The following NUTM2G variants were observed in gnomAD, a reference collection of about 807,000 sequenced individuals.
The protein encoded by NUTM2G is NUT family member 2G, also known as family with sequence similarity 22, member G.
In NUTM2G, 29 loss-of-function variants were observed where a neutral mutation model predicts 44.3. That is an observed-to-expected ratio of 0.66 (90% CI 0.49 to 0.89). NUTM2G has a LOEUF of 0.89. Among genes scored for constraint, NUTM2G ranks in the 40% least tolerant of loss-of-function variants. The pLI is 0.00. For missense variants in NUTM2G, 502 were observed against 946.5 expected (o/e 0.53, Z 6.16); for synonymous variants, 205 against 395.9 (o/e 0.52, Z 5.72).
chr9:96,940,163 T>C (rs1202495550), downstream of NUTM2G: 1 of 142,442 alleles, frequency 7.0e-6, no homozygotes, highest in Non-Finnish European at 1.5e-5. Context: ...GGTGGGTGTG[T>C]CTGCTGGTCC....
At chr9:96,933,642 G>A (rs1453561310) in intron 2 of NUTM2G, 1 of 152,436 alleles carries the variant, frequency 6.6e-6, no homozygotes, top group Admixed American at 6.5e-5. Context: ...AAAGTGCTGG[G>A]ATTGCAGACG....
intron 2 of NUTM2G, among the ~76,000 whole-genome samples, chr9:96,934,987 C>T (rs1156319659): frequency 1.3e-5 from 2 of 152,170 alleles, no homozygotes; most frequent in Non-Finnish European, 2.9e-5. Context: ...CGCTCATGAC[C>T]TGCTCTAACC....
At chr9:96,934,536 T>G (rs922375849) in intron 2 of NUTM2G, among the ~76,000 whole-genome samples, 20 of 151,980 alleles carry the variant, frequency 1.3e-4, no homozygotes, top group Admixed American at 4.6e-4. Flanking sequence ...CCTGGCTGCT[T>G]GCAGTGGCTT....
chr9:96,931,119 C>T (rs1433736721), intron 1 of NUTM2G, among the ~76,000 whole-genome samples: 4 of 151,960 alleles, frequency 2.6e-5, no homozygotes, highest in Non-Finnish European at 5.9e-5. Flanking sequence ...AACTCCTGAC[C>T]TCAGGTGATC....
At position 96,931,980 on chromosome 9, in the gene NUTM2G, T is replaced by C. The variant is rs376414111; in HGVS notation, c.275T>C (p.Val92Ala). 9.9e-6 allele frequency: 16 copies of C among 1,611,480 alleles called. No homozygotes were observed. Among genetic ancestry groups the C allele is most frequent in the Non-Finnish European group, 1.4e-5 (16 of 1,179,734 alleles). The change falls in exon 2 of 7, where the codon GTG becomes GCG. Residue 92 changes from valine to alanine, a missense_variant. Coordinates refer to ENST00000372322, the MANE Select transcript of NUTM2G (RefSeq NM_001170741.3). The stretch of plus-strand genomic sequence containing the variant: ...CAGATGAGGACAGAAGTGGGGCCTG[T>C]GAAGCCCCCTCAGGCACAGACCTTG... ...FVQMRTEVGP[V>A]KPPQAQTLIL...
chr9:96,936,019 AG>A (rs1186466614), intron 3 of NUTM2G, among the ~76,000 whole-genome samples: 1 of 149,564 alleles, frequency 6.7e-6, no homozygotes, highest in Non-Finnish European at 1.5e-5. Context: ...CCTCCTGACC[AG>A]GGGTCTCCCG....
rs1431217846 is a variant in NUTM2G, at chr9:96,931,914, G to A, written c.209G>A (p.Gly70Asp). 2 of 1,612,140 alleles carry A rather than the reference G, an allele frequency of 1.2e-6. No homozygotes were observed. The highest frequency in any genetic ancestry group is 4.5e-5 in the East Asian group (2 of 44,870). The stretch of plus-strand genomic sequence containing the variant: ...ACCCCTCTAGTGGCAGGACAGGATG[G>A]CCGCGGCCCAAGTGGGGCTGGGGCT... Reference protein sequence around the residue: ...PSTPLVAGQDGRGPSGAGASN... With the variant: ...PSTPLVAGQDDRGPSGAGASN... Residue 70 changes from glycine (G) to aspartate (D), a missense_variant, in exon 2 of 7, where the codon GGC (glycine) becomes GAC (aspartate). Coordinates refer to ENST00000372322, the MANE Select transcript of NUTM2G (RefSeq NM_001170741.3).
chr9:96,935,767 G>C (rs1826411121), intron 3 of NUTM2G, among the ~76,000 whole-genome samples: 2 of 152,192 alleles, frequency 1.3e-5, no homozygotes, highest in South Asian at 4.1e-4. Flanking sequence ...GGGATGGGAA[G>C]AAGGGGCGCT....
chr9:96,931,907 C>A lies in NUTM2G; in HGVS notation c.202C>A (p.Gln68Lys). The change falls in exon 2 of 7, where the codon CAG becomes AAG. Residue 68 changes from glutamine to lysine, a missense_variant. By Grantham distance (53) the Gln-to-Lys change is moderately conservative. Transcript: ENST00000372322. Reference sequence around the variant, plus strand: ...CCCCAGCACCCCTCTAGTGGCAGGACAGGATGGCCGCGGCCCAAGTGGGGC... The same window carrying A: ...CCCCAGCACCCCTCTAGTGGCAGGAAAGGATGGCCGCGGCCCAAGTGGGGC... ...AFPSTPLVAG[Q>K]DGRGPSGAGA... 2 of 1,612,186 alleles carry A rather than the reference C, an allele frequency of 1.2e-6. No individual in the cohort carries two copies. Among genetic ancestry groups the A allele is most frequent in the Non-Finnish European group, 1.7e-6 (2 of 1,179,838 alleles).
Position 96,937,321 on chromosome 9 carries a change from C to T in NUTM2G, c.1240C>T (p.Gln414Ter). The change falls in exon 5 of 7, where the codon CAG becomes TAG. Residue 414 changes from glutamine (Q) to a stop codon, truncating the protein, a stop_gained. Transcript: ENST00000372322. LOFTEE classifies it high-confidence loss of function. ...QREKGKVEQP[Q>*]EEDGMTSDPG... ...GGAAAAGGGCAAAGTGGAGCAGCCG[C>T]AGGAAGAGGACGGGATGACCTCAGA... The T allele has an allele frequency of 6.2e-7, 1 of 1,613,920 alleles. No homozygotes were observed. Among genetic ancestry groups the T allele is most frequent in the Non-Finnish European group, 8.5e-7 (1 of 1,179,868 alleles).
chr9:96,934,419 C>T (rs1355233677), intron 2 of NUTM2G, among the ~76,000 whole-genome samples: 1 of 151,988 alleles, frequency 6.6e-6, no homozygotes, highest in Non-Finnish European at 1.5e-5. Flanking sequence ...GTTGCATCCC[C>T]CCTTGGAGCG....
rs557147410 is a variant in NUTM2G, at chr9:96,937,000, C to A, written c.983-64C>A. 4.0e-5 allele frequency: 57 copies of A among 1,416,032 alleles called. No homozygotes were observed. In the African/African-American group the frequency reaches 6.5e-4, roughly 16 times the overall value. 87.7% of individuals were successfully genotyped at this position (1,416,032 alleles called of 1,614,324 possible). A position where few individuals can be genotyped will look rare whatever the true frequency, so the allele number is the denominator to read the frequency against. ...TTCACATCCCCAAGCCCTGCCCTCCCCTGTGTGGTGCAGGCAGGAGGAGCG... is the reference window on the plus strand; with the variant it reads ...TTCACATCCCCAAGCCCTGCCCTCCACTGTGTGGTGCAGGCAGGAGGAGCG... On this transcript the variant is annotated intron_variant, in intron 4 of 6. Transcript: ENST00000372322.
Position 96,929,031 on chromosome 9 carries a change from T to G in NUTM2G, c.7T>G (p.Ser3Ala), listed in dbSNP as rs1385662324. The G allele has an allele frequency of 5.6e-6, 9 of 1,610,700 alleles. No homozygotes were observed. The highest frequency in any genetic ancestry group is 7.6e-6 in the Non-Finnish European group (9 of 1,179,656). MA[S>A]NGAYPVLGPG... Reference sequence around the variant, plus strand: ...CAGTGCCCAGCCTGAGGGGATGGCTTCAAATGGAGGTGAGCCTGTAGGGAT... The same window carrying G: ...CAGTGCCCAGCCTGAGGGGATGGCTGCAAATGGAGGTGAGCCTGTAGGGAT... Residue 3 changes from serine (S) to alanine (A), a missense_variant, in exon 1 of 7, where the codon TCA (serine) becomes GCA (alanine). Coordinates refer to ENST00000372322, the MANE Select transcript of NUTM2G (RefSeq NM_001170741.3).
At chr9:96,932,811 C>T (rs1362942100) in intron 2 of NUTM2G, among the ~76,000 whole-genome samples, 3 of 151,782 alleles carry the variant, frequency 2.0e-5, no homozygotes, top group Non-Finnish European at 4.4e-5. Context: ...TGCCACCATG[C>T]CTGGCTAATT....
intron 2 of NUTM2G, among the ~76,000 whole-genome samples, chr9:96,934,783 A>C (rs1335076186): frequency 6.6e-6 from 1 of 152,124 alleles, no homozygotes; most frequent in Non-Finnish European, 1.5e-5. Flanking sequence ...GTGCTTTATC[A>C]AGACACATTC....
intron 1 of NUTM2G, among the ~76,000 whole-genome samples, chr9:96,930,307 G>A (rs192113102): frequency 1.1e-3 from 167 of 152,268 alleles, no homozygotes; most frequent in Non-Finnish European, 1.1e-3. Flanking sequence ...TGTGGATCAC[G>A]AGGTCAAGGA....
In NUTM2G at chr9:96,935,404, T is replaced by G; in HGVS notation, c.790T>G (p.Trp264Gly). 8 of 1,611,996 alleles carry G rather than the reference T, an allele frequency of 5.0e-6. No individual in the cohort carries two copies. The highest frequency in any genetic ancestry group is 6.8e-6 in the Non-Finnish European group (8 of 1,179,868). The change falls in exon 3 of 7, where the codon TGG (tryptophan) becomes GGG (glycine). Residue 264 changes from tryptophan (W) to glycine (G), a missense_variant. Physicochemically the swap from Trp to Gly is radical, Grantham distance 184 (BLOSUM62 -2). Coordinates refer to ENST00000372322, the MANE Select transcript of NUTM2G (RefSeq NM_001170741.3). The part of the protein sequence containing the change: ...EEGLWRAMRE[W>G]QHTSNFDRMI... ...GGGACTGTGGCGGGCCATGCGGGAA[T>G]GGCAGCACACGAGCAACTTTGACCG...
At chr9:96,932,754 G>C (rs547337820) in intron 2 of NUTM2G, among the ~76,000 whole-genome samples, 1 of 151,790 alleles carries the variant, frequency 6.6e-6, no homozygotes, top group South Asian at 2.1e-4. Context: ...CTGGGTTCAA[G>C]TGATTCTGCT....
Position 96,934,237 on chromosome 9 carries a change from C to T in NUTM2G, c.714-1091C>T, listed in dbSNP as rs565250039. On this transcript the variant is annotated intron_variant, in intron 2 of 6. Coordinates refer to ENST00000372322, the MANE Select transcript of NUTM2G (RefSeq NM_001170741.3). ...TCCCAGTCCCTGCCTCTCTCCACCC[C>T]ACGGCACCTCTGTGACCCTTTGTTT... Among the ~76,000 whole-genome samples the T allele has an allele frequency of 1.1e-3, 160 of 152,190 alleles. 1 individual carries two copies. Among genetic ancestry groups the T allele is most frequent in the Admixed American group, 3.7e-3 (56 of 15,272 alleles).
Sources: gnomAD v4.1 joint callset for allele counts (sites outside exome capture counted in the v4.1 genomes callset) on GRCh38, gnomAD v4.1.1 for gene constraint, MANE v1.5 for transcripts, NCBI Gene and HGNC (gene_info 2026-07-23, HGNC 2026-07-21) for gene names.